The following RXRG variants were observed in gnomAD, a reference collection of about 807,000 sequenced individuals.
The protein encoded by RXRG is retinoic acid receptor RXR-gamma.
Under a neutral mutation model 49.2 loss-of-function variants are expected in RXRG, and 19 were observed. That is an observed-to-expected ratio of 0.39 (90% CI 0.27 to 0.57). The LOEUF (loss-of-function observed/expected upper bound fraction) is 0.57, where lower values mean the gene tolerates loss of function less well. Ranked by LOEUF, RXRG falls within the 20% of genes least tolerant of loss-of-function variation. RXRG has a pLI of 0.64. For missense variants in RXRG, 452 were observed against 592.5 expected (o/e 0.76, Z 2.46); for synonymous variants, 224 against 216.6 (o/e 1.03, Z -0.30).
intron 7 of RXRG, 44 bp downstream of exon 7, chr1:165,409,511 ACAC>A: frequency 2.2e-6 from 3 of 1,390,362 alleles, no homozygotes; most frequent in East Asian, 5.5e-5. Context: ...ACACACACAC[ACAC>A]ACACACATAA....
At chr1:165,407,513 T>C (rs1289979637) in intron 8 of RXRG, among the ~76,000 whole-genome samples, 1 of 152,152 alleles carries the variant, frequency 6.6e-6, no homozygotes, top group Non-Finnish European at 1.5e-5. Flanking sequence ...TCTCCCTTTT[T>C]TACCTGACCT....
Position 165,401,395 on chromosome 1 carries a change from C to A in RXRG, c.1260G>T (p.Leu420=), listed in dbSNP as rs1166985005. 1 of 1,614,100 alleles carries A rather than the reference C, an allele frequency of 6.2e-7. No homozygotes were observed. Among genetic ancestry groups the A allele is most frequent in the Non-Finnish European group, 8.5e-7 (1 of 1,180,022 alleles). The change falls in exon 10 of 10, where the codon CTG becomes CTT. Residue 420 remains leucine (L), a synonymous_variant. Transcript: ENST00000359842. ...PEQPGRFAKL[L]LRLPALRSIG... The stretch of plus-strand genomic sequence containing the variant: ...TGGAACGCAGAGCTGGGAGGCGCAG[C>A]AGCAGCTTGGCAAACCTGCAGGGAA...
intron 9 of RXRG, among the ~76,000 whole-genome samples, chr1:165,402,951 G>A (rs1172623917): frequency 2.0e-5 from 3 of 151,066 alleles, no homozygotes; most frequent in East Asian, 2.0e-4. Context: ...TTACACACAC[G>A]TGCATGCATG....
At chr1:165,415,350 G>T (rs1466217082) in intron 4 of RXRG, among the ~76,000 whole-genome samples, 1 of 152,212 alleles carries the variant, frequency 6.6e-6, no homozygotes, top group Non-Finnish European at 1.5e-5. Context: ...CTTAAGTCAT[G>T]ACAAAGATTT....
intron 8 of RXRG, among the ~76,000 whole-genome samples, chr1:165,407,931 A>C (rs551259250): frequency 6.6e-6 from 1 of 151,976 alleles, no homozygotes; most frequent in Admixed American, 6.6e-5. Context: ...TCAGCAAATC[A>C]CAGTGGCTTT....
At chr1:165,419,832 T>G in intron 3 of RXRG, 38 bp downstream of exon 3, 1 of 1,539,726 alleles carries the variant, frequency 6.5e-7, no homozygotes, top group Non-Finnish European at 8.8e-7. Flanking sequence ...GCCCCTTCTC[T>G]GTGGCACTTT....
chr1:165,434,281 T>TGTGTGTGC (rs1658765332), intron 1 of RXRG, among the ~76,000 whole-genome samples: 1 of 84,422 alleles, frequency 1.2e-5, no homozygotes, highest in Non-Finnish European at 2.4e-5. Context: ...CATGTGTGTA[T>TGTGTGTGC]GTGTGTGTGT....
At chr1:165,438,061 G>A (rs1031441106) in intron 1 of RXRG, among the ~76,000 whole-genome samples, 6 of 152,116 alleles carry the variant, frequency 3.9e-5, no homozygotes, top group African/African-American at 1.4e-4. Context: ...TCCGCCTTAC[G>A]GACTACACTG....
Position 165,403,758 on chromosome 1 carries a change from A to AT in RXRG, c.1245-2349dup, listed in dbSNP as rs983129112. ...GTTAGACTGGGATTAACTTTAAAAAATTTTTTTAACTCTAAAAAGGCCACG... is the reference window on the plus strand; with the variant it reads ...GTTAGACTGGGATTAACTTTAAAAAATTTTTTTTAACTCTAAAAAGGCCACG... On this transcript the variant is annotated intron_variant, in intron 9 of 9. Coordinates refer to ENST00000359842, the MANE Select transcript of RXRG (RefSeq NM_006917.5). Among the ~76,000 whole-genome samples the AT allele has an allele frequency of 1.6e-4, 25 of 152,340 alleles. 1 individual carries two copies. Among genetic ancestry groups the AT allele is most frequent in the African/African-American group, 5.3e-4 (22 of 41,566 alleles).
At chr1:165,439,630 C>A (rs1396794635) in intron 1 of RXRG, among the ~76,000 whole-genome samples, 2 of 152,250 alleles carry the variant, frequency 1.3e-5, no homozygotes, top group Non-Finnish European at 2.9e-5. Flanking sequence ...CTCTCCAACA[C>A]ATTCCTTGAT....
chr1:165,425,021 C>T, intron 2 of RXRG: 1 of 949,356 alleles, frequency 1.1e-6, no homozygotes, highest in Non-Finnish European at 1.3e-6. Flanking sequence ...AATATAGCTC[C>T]CCAAAGCCAA....
chr1:165,403,936 T>C (rs1480948057), intron 9 of RXRG, among the ~76,000 whole-genome samples: 1 of 152,260 alleles, frequency 6.6e-6, no homozygotes, highest in African/African-American at 2.4e-5. Context: ...AAGGGGCATT[T>C]ATGCCTTTGA....
Position 165,417,199 on chromosome 1 carries a change from C to T in RXRG, c.464G>A (p.Ser155Asn), listed in dbSNP as rs748751592. The T allele has an allele frequency of 6.2e-7, 1 of 1,613,536 alleles. No individual in the cohort carries two copies. The highest frequency in any genetic ancestry group is 8.5e-7 in the Non-Finnish European group (1 of 1,179,622). Residue 155 changes from serine (S) to asparagine (N), a missense_variant, in exon 4 of 10, where the codon AGT becomes AAT. By Grantham distance (46) the Ser-to-Asn change is conservative (BLOSUM62 1). This residue lies in a region of RXRG where 286 missense variants were observed against 440.9 expected (regional missense o/e 0.65). Transcript: ENST00000359842. ...RSSGKHYGVY[S>N]CEGCKGFFKR... ...GAAGAACCCTTTGCAGCCTTCACAA[C>T]TGTATACCCCGTAGTGCTTTCCTGG...
At position 165,401,412 on chromosome 1, in the gene RXRG, T is replaced by G; in HGVS notation, c.1245-2A>C. 1 of 1,613,828 alleles carries G rather than the reference T, an allele frequency of 6.2e-7. No individual in the cohort carries two copies. Among genetic ancestry groups the G allele is most frequent in the Non-Finnish European group, 8.5e-7 (1 of 1,180,014 alleles). ...AGGCGCAGCAGCAGCTTGGCAAACC[T>G]GCAGGGAAGCCAAGAGGCATCAGGG... is the stretch of plus-strand genomic sequence containing the variant. On this transcript the variant is annotated splice_acceptor_variant, in intron 9 of 9. Transcript: ENST00000359842. LOFTEE classifies it high-confidence loss of function.
intron 4 of RXRG, 36 bp downstream of exon 4, chr1:165,417,004 TC>T: frequency 1.3e-6 from 2 of 1,581,354 alleles, no homozygotes; most frequent in South Asian, 2.3e-5. Flanking sequence ...GAAATGCCTC[TC>T]TCCGGACACG....
At chr1:165,409,316 A>G (rs1657858950) in intron 7 of RXRG, among the ~76,000 whole-genome samples, 2 of 152,084 alleles carry the variant, frequency 1.3e-5, no homozygotes, top group Admixed American at 1.3e-4. Flanking sequence ...GCTCCATCTT[A>G]TTGTGATCTC....
Position 165,428,861 on chromosome 1 carries a change from G to A in RXRG, c.155C>T (p.Ala52Val), listed in dbSNP as rs764675336. The A allele has an allele frequency of 9.9e-6, 16 of 1,614,036 alleles. No individual in the cohort carries two copies. In the African/African-American group the frequency reaches 2.0e-4, roughly 20 times the overall value. Residue 52 changes from alanine (A) to valine (V), a missense_variant, in exon 2 of 10, where the codon GCC becomes GTC. Physicochemically the swap from Ala to Val is moderately conservative, Grantham distance 64. Transcript: ENST00000359842. Reference protein sequence around the residue: ...HPSYTDTPVSAPRTLSAVGTP... With the variant: ...HPSYTDTPVSVPRTLSAVGTP... ...CCCCACTGCACTCAGAGTCCGTGGGGCACTCACTGGGGTATCTGTGTAGCT... is the reference window on the plus strand; with the variant it reads ...CCCCACTGCACTCAGAGTCCGTGGGACACTCACTGGGGTATCTGTGTAGCT...
rs1657922547 is a variant in RXRG, at chr1:165,410,931, G to A, written c.783+18C>T. On this transcript the variant is annotated intron_variant, in intron 5 of 9. Coordinates refer to ENST00000359842, the MANE Select transcript of RXRG (RefSeq NM_006917.5). ...TACCCAAGAAATGGAACACACATGT[G>A]TGTCTAAGAGCACATACCGAGTTCT... 1 of 1,613,942 alleles carries A rather than the reference G, an allele frequency of 6.2e-7. No homozygotes were observed. The highest frequency in any genetic ancestry group is 8.5e-7 in the Non-Finnish European group (1 of 1,179,880).
rs1275615563 is a variant in RXRG, at chr1:165,416,948, G to A, written c.622+93C>T. Reference sequence around the variant, plus strand: ...GAAGTGGAGATTAGGATGACTTTGGGCACCATGACTTCTCGTGTATTGCAG... The same window carrying A: ...GAAGTGGAGATTAGGATGACTTTGGACACCATGACTTCTCGTGTATTGCAG... On this transcript the variant is annotated intron_variant, in intron 4 of 9. Transcript: ENST00000359842. 4 of 1,222,818 alleles carry A rather than the reference G, an allele frequency of 3.3e-6. No individual in the cohort carries two copies. The African/African-American group carries it at 4.5e-5, about 14-fold the overall frequency. The allele number at this position is 1,222,818 out of a possible 1,614,324, so 75.7% of individuals were successfully genotyped here.
Sources: allele counts gnomAD v4.1 joint callset (sites outside exome capture counted in the v4.1 genomes callset), GRCh38; gene constraint gnomAD v4.1.1; regional missense constraint gnomAD v4.1.1; transcripts MANE v1.5; gene names NCBI Gene and HGNC (gene_info 2026-07-23, HGNC 2026-07-21).